The following SPNS2 variants were observed in gnomAD, a reference collection of about 807,000 sequenced individuals.
SPNS2 encodes sphingosine-1-phosphate transporter SPNS2.
In SPNS2, 37 loss-of-function variants were observed where a neutral mutation model predicts 57.6. The ratio of observed to expected loss-of-function variants is 0.64; its 90% confidence interval spans 0.49 to 0.85. The LOEUF is 0.85. SPNS2 is among the 40% of genes least tolerant of loss of function. The pLI, the probability that SPNS2 is intolerant of heterozygous loss-of-function variation, is 0.00. For synonymous variants in SPNS2, 440 were observed against 346.9 expected (o/e 1.27, Z -2.98); for missense variants, 831 against 779.1 (o/e 1.07, Z -0.79).
chr17:4,536,759 C>G, intron 11 of SPNS2, 141 bp from the exon 12 acceptor site: 1 of 724,588 alleles, frequency 1.4e-6, no homozygotes, highest in Non-Finnish European at 2.4e-6. Flanking sequence ...CCCCTGGGCT[C>G]TCCCATCTCC....
intron 12 of SPNS2, 22 bp downstream of exon 12, chr17:4,536,968 C>A (rs200956220): frequency 7.5e-6 from 12 of 1,610,528 alleles, no homozygotes; most frequent in South Asian, 1.1e-5. Context: ...CCGGGAGGCA[C>A]GTGGGGGCTC....
In SPNS2 at chr17:4,525,245, G is replaced by T. The variant is rs78412357; in HGVS notation, c.573+52G>T. 4,672 of 1,597,644 alleles carry T rather than the reference G, an allele frequency of 2.9e-3. 114 individuals carry two copies. In the African/African-American group the frequency reaches 0.053, roughly 18 times the overall value. On this transcript the variant is annotated intron_variant, in intron 3 of 12. Coordinates refer to ENST00000329078, the MANE Select transcript of SPNS2 (RefSeq NM_001124758.3). Reference sequence around the variant, plus strand: ...ACCCCTGTGTCCTGGTCCCTCCAGCGAGTGGCTAGTCTTATTGGCCTGTTG... The same window carrying T: ...ACCCCTGTGTCCTGGTCCCTCCAGCTAGTGGCTAGTCTTATTGGCCTGTTG...
intron 6 of SPNS2, 67 bp downstream of exon 6, chr17:4,532,751 G>A (rs1336601939): frequency 1.3e-5 from 21 of 1,565,322 alleles, no homozygotes; most frequent in Non-Finnish European, 8.7e-7. Context: ...GCCTGTCCCT[G>A]CAGGGCAGCC....
chr17:4,519,421 G>A (rs1905081354), intron 2 of SPNS2, among the ~76,000 whole-genome samples: 1 of 152,188 alleles, frequency 6.6e-6, no homozygotes, highest in Non-Finnish European at 1.5e-5. Context: ...TGCCGTGAGA[G>A]GTGGACAGCA....
intron 2 of SPNS2, among the ~76,000 whole-genome samples, chr17:4,523,161 G>A (rs1229290769): frequency 1.3e-5 from 2 of 152,260 alleles, no homozygotes; most frequent in African/African-American, 4.8e-5. Context: ...TGTGGTGGCC[G>A]GGTGCAGTGG....
intron 2 of SPNS2, among the ~76,000 whole-genome samples, chr17:4,518,137 G>A (rs1905041741): frequency 6.6e-6 from 1 of 152,208 alleles, no homozygotes; most frequent in Non-Finnish European, 1.5e-5. Flanking sequence ...GGGTCTGAGT[G>A]TGAAAGGCTT....
At chr17:4,535,716 G>A (rs1905746978) in intron 9 of SPNS2, among the ~76,000 whole-genome samples, 2 of 152,150 alleles carry the variant, frequency 1.3e-5, no homozygotes, top group African/African-American at 4.8e-5. Context: ...CAATTTCAGA[G>A]GGGTGTGCTG....
intron 2 of SPNS2, among the ~76,000 whole-genome samples, chr17:4,515,292 T>G (rs1385268851): frequency 6.6e-6 from 1 of 152,180 alleles, no homozygotes; most frequent in African/African-American, 2.4e-5. Flanking sequence ...GCTCTGTTTG[T>G]CAGCTGCACT....
At position 4,532,546 on chromosome 17, in the gene SPNS2, C is replaced by G; in HGVS notation, c.797C>G (p.Ser266Cys). 6.2e-7 allele frequency: 1 copy of G among 1,614,158 alleles called. No homozygotes were observed. The highest frequency in any genetic ancestry group is 1.6e-4 in the Middle Eastern group (1 of 6,062). The change falls in exon 6 of 13, where the codon TCC becomes TGC. Residue 266 changes from serine (S) to cysteine (C), a missense_variant. Ser to Cys is a moderately radical substitution (Grantham distance 112). Around this residue, in one of 2 missense-constraint regions of SPNS2, gnomAD observed 526 missense variants for 400.9 expected, o/e 1.31. Transcript: ENST00000329078. ...TAACTTCCTGCTCTCTGGCAGGTGT[C>G]CCCTGTCCTGGGCATGATCACAGGA... ...AGDWHWALRV[S>C]PVLGMITGTL...
At chr17:4,517,529 G>A (rs774077327) in intron 2 of SPNS2, among the ~76,000 whole-genome samples, 3 of 152,110 alleles carry the variant, frequency 2.0e-5, no homozygotes, top group Admixed American at 1.3e-4. Flanking sequence ...TGGTGTGGGC[G>A]CCTGTAATCT....
chr17:4,516,568 G>A (rs888621934), intron 2 of SPNS2, among the ~76,000 whole-genome samples: 4 of 151,280 alleles, frequency 2.6e-5, no homozygotes, highest in South Asian at 4.2e-4. Context: ...CTGGGTGGAC[G>A]GCAGAGAGCG....
Position 4,530,796 on chromosome 17 carries a change from G to T in SPNS2, c.725+13G>T. On this transcript the variant is annotated intron_variant, in intron 4 of 12. Coordinates refer to ENST00000329078, the MANE Select transcript of SPNS2 (RefSeq NM_001124758.3). ...TCCCACTGGGCAGGTGAGAGCCGGA[G>T]ATGCCAGGGTCTGGGTGAGGATCTG... 6.2e-7 allele frequency: 1 copy of T among 1,608,900 alleles called. No individual in the cohort carries two copies. The highest frequency in any genetic ancestry group is 8.5e-7 in the Non-Finnish European group (1 of 1,177,310).
At chr17:4,532,707 T>C (rs1905548792) in intron 6 of SPNS2, 23 bp downstream of exon 6, 2 of 1,610,114 alleles carry the variant, frequency 1.2e-6, no homozygotes, top group South Asian at 1.1e-5. Flanking sequence ...GGAAGGGGTC[T>C]GGTGGGAAGA....
intron 1 of SPNS2, among the ~76,000 whole-genome samples, chr17:4,506,252 G>A (rs953823475): frequency 6.6e-6 from 1 of 152,214 alleles, no homozygotes; most frequent in Non-Finnish European, 1.5e-5. Context: ...GAAGTAGCAC[G>A]TGGGGAGAAG....
intron 9 of SPNS2, among the ~76,000 whole-genome samples, chr17:4,534,666 C>T (rs560408370): frequency 1.2e-4 from 19 of 152,126 alleles, no homozygotes; most frequent in Admixed American, 2.0e-4. Flanking sequence ...AGCCTCCGGG[C>T]GTATCCGCTT....
intron 2 of SPNS2, among the ~76,000 whole-genome samples, chr17:4,515,970 A>G (rs936714007): frequency 5.9e-5 from 9 of 152,010 alleles, no homozygotes; most frequent in Admixed American, 2.6e-4. Flanking sequence ...TGGCCCCTGG[A>G]CCCCCTGCAG....
intron 1 of SPNS2, among the ~76,000 whole-genome samples, chr17:4,506,625 G>A (rs772409212): frequency 6.6e-6 from 1 of 152,224 alleles, no homozygotes; most frequent in African/African-American, 2.4e-5. Context: ...ACACAGCAGG[G>A]AGGAGGGGGA....
At chr17:4,533,747 TGGAG>T in intron 8 of SPNS2, 37 bp from the exon 9 acceptor site, 1 of 1,609,832 alleles carries the variant, frequency 6.2e-7, no homozygotes, top group East Asian at 2.2e-5. Flanking sequence ...TTGCTGCGGA[TGGAG>T]GGACCGCTGA....
rs1310644563 is a variant in SPNS2 at position 4,510,662 on chromosome 17, T to C, written c.371-2585T>C. ...TCCTCTGGACTATGGATGGGGACCC[T>C]CCTGCCTCCTCCTGACTCCGCCCAT... is the stretch of plus-strand genomic sequence containing the variant. On this transcript the variant is annotated intron_variant, in intron 1 of 12. Coordinates refer to ENST00000329078, the MANE Select transcript of SPNS2 (RefSeq NM_001124758.3). The surrounding 1 kb of genome is among the most constrained non-coding windows in gnomAD (Gnocchi z 4.4). Among the ~76,000 whole-genome samples the C allele has an allele frequency of 6.6e-6, 1 of 152,104 alleles. No homozygotes were observed. The highest frequency in any genetic ancestry group is 1.9e-4 in the East Asian group (1 of 5,180).
Sources: allele counts gnomAD v4.1 joint callset (sites outside exome capture counted in the v4.1 genomes callset), GRCh38; gene constraint gnomAD v4.1.1; regional missense constraint gnomAD v4.1.1; non-coding constraint Gnocchi (gnomAD v3.1); transcripts MANE v1.5; gene names NCBI Gene and HGNC (gene_info 2026-07-23, HGNC 2026-07-21).